Variants in MAPKBP1 observed in about 807,000 individuals in gnomAD.
The protein encoded by MAPKBP1 is mitogen-activated protein kinase binding protein 1.
MAPKBP1 carries 71 observed loss-of-function variants against 170.5 expected under a neutral mutation model. That is an observed-to-expected ratio of 0.42 (90% confidence interval 0.34 to 0.51). The LOEUF (loss-of-function observed/expected upper bound fraction) is 0.51, where lower values mean the gene tolerates loss of function less well. MAPKBP1 is among the 20% of genes least tolerant of loss of function. The pLI is 0.06. For missense variants in MAPKBP1, 1,598 were observed against 1,933.0 expected (o/e 0.83, Z 3.25); for synonymous variants, 719 against 757.9 (o/e 0.95, Z 0.84).
At chr15:41,813,828 C>T (rs2064846205) in intron 9 of MAPKBP1, 47 bp downstream of exon 9, 4 of 1,528,122 alleles carry the variant, frequency 2.6e-6, no homozygotes, top group Middle Eastern at 1.7e-4. Flanking sequence ...CTTACCCCTG[C>T]CCAGTCTTTC....
At chr15:41,824,720 G>A (rs2065061311) in intron 30 of MAPKBP1, 151 bp downstream of exon 30, 1 of 792,876 alleles carries the variant, frequency 1.3e-6, no homozygotes, top group African/African-American at 1.7e-5. Flanking sequence ...GAGGGGGTTA[G>A]AGGCCAGGCT....
At chr15:41,803,248 C>CTAG (rs2064629720) in intron 3 of MAPKBP1, among the ~76,000 whole-genome samples, 2 of 151,730 alleles carry the variant, frequency 1.3e-5, no homozygotes, top group South Asian at 4.2e-4. Context: ...AATCTTGTCT[C>CTAG]TAGCAAAATA....
chr15:41,811,174 G>A lies in MAPKBP1; in HGVS notation c.270-4G>A, dbSNP rs762894696. 10 of 1,614,110 alleles carry A rather than the reference G, an allele frequency of 6.2e-6. No homozygotes were observed. The highest frequency in any genetic ancestry group is 1.1e-5 in the South Asian group (1 of 91,092). ...CCCCTCTGAGCCTGCCCCATCTCTT[G>A]CAGGAAAACCATCACTGCCCTTGCC... is the stretch of plus-strand genomic sequence containing the variant. On this transcript the variant is annotated splice_region_variant and splice_polypyrimidine_tract_variant and intron_variant, in intron 4 of 30. Transcript: ENST00000457542.
At chr15:41,778,727 G>A (rs1178469302) in intron 2 of MAPKBP1, among the ~76,000 whole-genome samples, 3 of 152,172 alleles carry the variant, frequency 2.0e-5, no homozygotes, top group African/African-American at 7.2e-5. Flanking sequence ...GTTCTTGATA[G>A]CTAACCCTCC....
chr15:41,813,868 G>C, intron 9 of MAPKBP1, 87 bp downstream of exon 9: 1 of 1,399,928 alleles, frequency 7.1e-7, no homozygotes, highest in Non-Finnish European at 9.6e-7. Context: ...CAGGTGAAGA[G>C]TGTATTGATG....
intron 3 of MAPKBP1, among the ~76,000 whole-genome samples, chr15:41,809,967 C>T (rs2064773643): frequency 6.6e-6 from 1 of 152,232 alleles, no homozygotes; most frequent in South Asian, 2.1e-4. Flanking sequence ...TTTCCCAGGC[C>T]TTCTCAGGCT....
At chr15:41,775,474 G>A in intron 2 of MAPKBP1, 85 bp downstream of exon 2, 1 of 1,003,214 alleles carries the variant, frequency 1.0e-6, no homozygotes, top group Admixed American at 2.0e-5. Context: ...TCTTGGGAAA[G>A]ATAACTAGAA....
chr15:41,784,666 C>G (rs963459076), intron 2 of MAPKBP1, among the ~76,000 whole-genome samples: 1 of 151,472 alleles, frequency 6.6e-6, no homozygotes, highest in Non-Finnish European at 1.5e-5. Context: ...CCTGTAGTCC[C>G]AGCTACTCGG....
chr15:41,813,128 G>A, intron 8 of MAPKBP1, 27 bp downstream of exon 8: 4 of 1,581,542 alleles, frequency 2.5e-6, no homozygotes, highest in Non-Finnish European at 3.4e-6. Context: ...CCAGGGGTAG[G>A]GTCTGCTCAT....
Position 41,816,965 on chromosome 15 carries a change from C to T in MAPKBP1, c.1641C>T (p.Ala547=), listed in dbSNP as rs148142279. Residue 547 remains alanine (A), a synonymous_variant, in exon 14 of 31, where the codon GCC becomes GCT. Transcript: ENST00000457542. ...SRDRLIHVLD[A]GREYSLQQTL... is the part of the protein sequence containing the mutation. Reference sequence around the variant, plus strand: ...ACCGGCTGATCCATGTGCTGGATGCCGGGCGGGAGTACAGCCTACAGCAGA... The same window carrying T: ...ACCGGCTGATCCATGTGCTGGATGCTGGGCGGGAGTACAGCCTACAGCAGA... The T allele has an allele frequency of 1.3e-4, 205 of 1,612,616 alleles. No homozygotes were observed. The Middle Eastern group carries it at 2.3e-3, about 18-fold the overall frequency.
At chr15:41,819,505 C>T in intron 21 of MAPKBP1, 90 bp from the exon 22 acceptor site, 5 of 1,439,986 alleles carry the variant, frequency 3.5e-6, no homozygotes, top group East Asian at 4.8e-5. Context: ...TGTGGCCACA[C>T]AGGGTATGGG....
chr15:41,777,472 C>G (rs1429203317), intron 2 of MAPKBP1, among the ~76,000 whole-genome samples: 1 of 152,108 alleles, frequency 6.6e-6, no homozygotes, highest in Non-Finnish European at 1.5e-5. Flanking sequence ...TTTACCATTC[C>G]CTGTTTAAAA....
chr15:41,784,955 CT>C (rs2064258509), intron 2 of MAPKBP1, among the ~76,000 whole-genome samples: 1 of 150,084 alleles, frequency 6.7e-6, no homozygotes. Context: ...GTAGTCCCAG[CT>C]ACTTAGGAGG....
chr15:41,796,244 C>T (rs200806096), intron 2 of MAPKBP1, among the ~76,000 whole-genome samples: 5 of 152,274 alleles, frequency 3.3e-5, no homozygotes, highest in South Asian at 4.1e-4. Context: ...AGCACACCAC[C>T]GATTGAACTT....
At position 41,815,804 on chromosome 15, in the gene MAPKBP1, T is replaced by G. The variant is rs1458359173; in HGVS notation, c.1493+5T>G. 1.9e-6 allele frequency: 3 copies of G among 1,610,314 alleles called. No individual in the cohort carries two copies. The highest frequency in any genetic ancestry group is 2.5e-6 in the Non-Finnish European group (3 of 1,176,910). ...GGACCGTATGGGCACACTTAGGTAA[T>G]GCCAGGCCCTGGGTGGGTACTGACT... On this transcript the variant is annotated splice_donor_5th_base_variant and intron_variant, in intron 12 of 30. Coordinates refer to ENST00000457542, the MANE Select transcript of MAPKBP1 (RefSeq NM_014994.3).
In MAPKBP1 at chr15:41,819,606, A is replaced by T. The variant is rs762972844; in HGVS notation, c.2437A>T (p.Ser813Cys). The T allele has an allele frequency of 6.2e-7, 1 of 1,606,474 alleles. No individual in the cohort carries two copies. The highest frequency in any genetic ancestry group is 8.5e-7 in the Non-Finnish European group (1 of 1,176,802). ...STKKALASVP[S>C]PALPRSLSHW... ...CTGTTTCTGTCTAGCCTCGGTCCCC[A>T]GCCCAGCTTTGCCCCGAAGCCTGTC... The change falls in exon 22 of 31, where the codon AGC (serine) becomes TGC (cysteine). Residue 813 changes from serine (S) to cysteine (C), a missense_variant. By Grantham distance (112) the Ser-to-Cys change is moderately radical. This residue lies in a region of MAPKBP1 where 942 missense variants were observed against 953.2 expected (regional missense o/e 0.99). Transcript: ENST00000457542.
chr15:41,824,605 A>C lies in MAPKBP1; in HGVS notation c.4299+36A>C, dbSNP rs978358038. On this transcript the variant is annotated intron_variant, in intron 30 of 30. Coordinates refer to ENST00000457542, the MANE Select transcript of MAPKBP1 (RefSeq NM_014994.3). Reference sequence around the variant, plus strand: ...GGTGCCCCCCGGCAGGAAGGCGGGCACGTCAGTAGTGCTGGGTGTTTCGGA... The same window carrying C: ...GGTGCCCCCCGGCAGGAAGGCGGGCCCGTCAGTAGTGCTGGGTGTTTCGGA... The C allele has an allele frequency of 1.9e-6, 3 of 1,543,268 alleles. No individual in the cohort carries two copies. The African/African-American group carries it at 4.1e-5, about 21-fold the overall frequency.
intron 5 of MAPKBP1, 48 bp from the exon 6 acceptor site, chr15:41,811,909 G>A (rs749674368): frequency 6.2e-6 from 10 of 1,601,680 alleles, no homozygotes; most frequent in African/African-American, 2.7e-5. Context: ...GGGGCTGTAT[G>A]CCTGTGGAGA....
chr15:41,803,163 C>T (rs1596079359), intron 3 of MAPKBP1, among the ~76,000 whole-genome samples: 1 of 151,850 alleles, frequency 6.6e-6, no homozygotes, highest in East Asian at 1.9e-4. Context: ...GCCTATAATC[C>T]TAGCACTTTG....
Sources: allele counts gnomAD v4.1 joint callset (sites outside exome capture counted in the v4.1 genomes callset), GRCh38; gene constraint gnomAD v4.1.1; regional missense constraint gnomAD v4.1.1; transcripts MANE v1.5; gene names NCBI Gene and HGNC (gene_info 2026-07-23, HGNC 2026-07-21).